The following CSK variants were observed in gnomAD, a reference collection of about 807,000 sequenced individuals.
The protein encoded by CSK is C-terminal Src kinase.
CSK carries 7 observed loss-of-function variants against 62.3 expected under a neutral mutation model. That is an observed-to-expected ratio of 0.11 (90% CI 0.06 to 0.21). CSK has a LOEUF of 0.21. Ranked by LOEUF, CSK falls within the 10% of genes least tolerant of loss-of-function variation. CSK has a pLI of 1.00. For synonymous variants in CSK, 237 were observed against 246.0 expected, an observed-to-expected ratio of 0.96 and a Z score of 0.34; for missense variants, 294 against 613.5, an observed-to-expected ratio of 0.48 and a Z score of 5.50.
intron 1 of CSK, among the ~76,000 whole-genome samples, chr15:74,783,337 C>A (rs139830069): frequency 2.0e-5 from 3 of 152,238 alleles, no homozygotes; most frequent in African/African-American, 7.2e-5. Flanking sequence ...CATGCCCCCA[C>A]CTTCTGGCAC....
intron 1 of CSK, among the ~76,000 whole-genome samples, chr15:74,789,928 C>T (rs953570935): frequency 6.6e-6 from 1 of 152,204 alleles, no homozygotes; most frequent in Non-Finnish European, 1.5e-5. Context: ...GGCTTGTGCA[C>T]AGAGGAGAGG....
Position 74,798,782 on chromosome 15 carries a change from G to T in CSK, c.130-44G>T. 6.2e-7 allele frequency: 1 copy of T among 1,605,806 alleles called. No homozygotes were observed. The highest frequency in any genetic ancestry group is 8.5e-7 in the Non-Finnish European group (1 of 1,174,348). On this transcript the variant is annotated intron_variant, in intron 3 of 12. Transcript: ENST00000220003. This position sits in a 1 kb window ranked among gnomAD's most constrained non-coding sequence, Gnocchi z 6.6. ...CCACTGCTGGGCCTTCCCTCTGCAG[G>T]GGGAGGTGGGCCTGAGAGCATGTCT...
chr15:74,790,961 G>A (rs2063611395), intron 1 of CSK: 1 of 152,172 alleles, frequency 6.6e-6, no homozygotes, highest in Non-Finnish European at 1.5e-5. Context: ...TTTACAAAAA[G>A]TTTCTTATTT....
chr15:74,798,889 G>A lies in CSK; in HGVS notation c.193G>A (p.Val65Ile). ...GREGIIPANY[V>I]QKREGVKAGT... ...TGAGGGCATCATCCCAGCCAACTAC[G>A]TCCAGAAGCGGGAGGGCGTGAAGGC... is the stretch of plus-strand genomic sequence containing the variant. Residue 65 changes from valine (V) to isoleucine (I), a missense_variant, in exon 4 of 13, where the codon GTC becomes ATC. Val to Ile is a conservative substitution (Grantham distance 29, BLOSUM62 3). Around this residue, in one of 3 missense-constraint regions of CSK, gnomAD observed 202 missense variants for 415.7 expected, o/e 0.49. Transcript: ENST00000220003. The surrounding 1 kb of genome is among the most constrained non-coding windows in gnomAD (Gnocchi z 6.6). 8 of 1,546,616 alleles carry A rather than the reference G, an allele frequency of 5.2e-6. No homozygotes were observed. The highest frequency in any genetic ancestry group is 2.0e-5 in the Admixed American group (1 of 50,458).
chr15:74,802,198 C>T, intron 12 of CSK, 115 bp downstream of exon 12: 1 of 1,397,262 alleles, frequency 7.2e-7, no homozygotes, highest in Non-Finnish European at 9.8e-7. Flanking sequence ...TCAGGCCTGC[C>T]CTGGGGAGCT....
Position 74,802,826 on chromosome 15 carries a change from T to G in CSK, c.*313T>G. The stretch of plus-strand genomic sequence containing the variant: ...ATTCCTTTCCTTTTTTGAGATTTTT[T>G]TTCCGTGTGTTTATTTTTTATTATT... On this transcript the variant is annotated 3_prime_UTR_variant, in exon 13 of 13. Transcript: ENST00000220003. 1 of 294,524 alleles carries G rather than the reference T, an allele frequency of 3.4e-6. No homozygotes were observed. Among genetic ancestry groups the G allele is most frequent in the Non-Finnish European group, 6.3e-6 (1 of 159,810 alleles). The allele number at this position is 294,524 out of a possible 1,614,324, so 18.2% of individuals were successfully genotyped here.
rs771405153 is a variant in CSK at position 74,799,399 on chromosome 15, G to A, written c.370G>A (p.Gly124Ser). ...CTACACGCTGTGCGTGAGCTGCGAC[G>A]GCAAGGTGGAGCACTACCGCATCAT... ...GDYTLCVSCD[G>S]KVEHYRIMYH... The change falls in exon 5 of 13, where the codon GGC (glycine) becomes AGC (serine). Residue 124 changes from glycine (G) to serine (S), a missense_variant. By Grantham distance (56) the Gly-to-Ser change is moderately conservative. Around this residue, in one of 3 missense-constraint regions of CSK, gnomAD observed 202 missense variants for 415.7 expected, o/e 0.49. Transcript: ENST00000220003. 4.3e-6 allele frequency: 7 copies of A among 1,613,522 alleles called. No individual in the cohort carries two copies. The highest frequency in any genetic ancestry group is 3.3e-5 in the Admixed American group (2 of 60,006).
intron 1 of CSK, among the ~76,000 whole-genome samples, chr15:74,793,826 G>A (rs1236192359): frequency 1.3e-5 from 2 of 152,044 alleles, no homozygotes; most frequent in African/African-American, 2.4e-5. Flanking sequence ...GACTAACAGC[G>A]CAGCAGCCTC....
At position 74,789,880 on chromosome 15, in the gene CSK, G is replaced by A. The variant is rs111345231; in HGVS notation, c.-66+7160G>A. ...TCCAGTAACCAGGAGGACAGGAGCC[G>A]GGTCTGCATTTTGTGGTGGTTCCCA... is the stretch of plus-strand genomic sequence containing the variant. On this transcript the variant is annotated intron_variant, in intron 1 of 12. Transcript: ENST00000220003. 9.0e-3 allele frequency among the ~76,000 whole-genome samples: 1,375 copies of A among 152,264 alleles called. 19 individuals carry two copies. The highest frequency in any genetic ancestry group is 0.027 in the African/African-American group (1,139 of 41,546).
At chr15:74,801,145 C>A in intron 9 of CSK, 43 bp downstream of exon 9, 1 of 1,606,592 alleles carries the variant, frequency 6.2e-7, no homozygotes, top group Non-Finnish European at 8.5e-7. Context: ...TTCCAACTGC[C>A]CCGAAACCCC....
chr15:74,796,724 A>C (rs1250330468), intron 1 of CSK, among the ~76,000 whole-genome samples: 1 of 152,190 alleles, frequency 6.6e-6, no homozygotes, highest in East Asian at 1.9e-4. Context: ...CAGCTCAGTG[A>C]ATTGTCACAG....
chr15:74,800,522 C>G lies in CSK; in HGVS notation c.556+17C>G. 1.2e-6 allele frequency: 2 copies of G among 1,609,884 alleles called. No individual in the cohort carries two copies. The highest frequency in any genetic ancestry group is 2.2e-5 in the East Asian group (1 of 44,756). On this transcript the variant is annotated intron_variant, in intron 6 of 12. Transcript: ENST00000220003. ...TCTACCGCAGTGAGTGCACCCCACC[C>G]CAGACCTCTTGCCCACCCACCTCCT...
chr15:74,798,863 G>A lies in CSK; in HGVS notation c.167G>A (p.Arg56His), dbSNP rs200009296. The stretch of plus-strand genomic sequence containing the variant: ...TACAAAGCCAAAAACAAGGTGGGCC[G>A]TGAGGGCATCATCCCAGCCAACTAC... ...NWYKAKNKVG[R>H]EGIIPANYVQ... is the part of the protein sequence containing the mutation. Residue 56 changes from arginine to histidine, a missense_variant, in exon 4 of 13, where the codon CGT (arginine) becomes CAT (histidine). Physicochemically the swap from Arg to His is conservative, Grantham distance 29 (BLOSUM62 0). Transcript: ENST00000220003. The surrounding 1 kb of genome is among the most constrained non-coding windows in gnomAD (Gnocchi z 6.6). 3.4e-5 allele frequency: 54 copies of A among 1,574,842 alleles called. No homozygotes were observed. The Admixed American group carries it at 4.0e-4, about 12-fold the overall frequency.
intron 1 of CSK, among the ~76,000 whole-genome samples, chr15:74,797,150 G>A (rs1425425973): frequency 3.9e-5 from 6 of 152,090 alleles, no homozygotes; most frequent in African/African-American, 7.2e-5. Flanking sequence ...CCATGTTGCC[G>A]AGACTGGTCT....
chr15:74,800,314 C>A, intron 5 of CSK, 98 bp from the exon 6 acceptor site: 1 of 1,024,850 alleles, frequency 9.8e-7, no homozygotes, highest in Non-Finnish European at 1.5e-6. Flanking sequence ...CCAGGCTAGG[C>A]GGGGCTGGCC....
chr15:74,790,375 G>A (rs1352112059), intron 1 of CSK, among the ~76,000 whole-genome samples: 2 of 152,238 alleles, frequency 1.3e-5, no homozygotes, highest in African/African-American at 4.8e-5. Context: ...GCTGCTTCCA[G>A]GGTAGGAAAA....
In CSK at chr15:74,801,571, G is replaced by A. The variant is rs749474606; in HGVS notation, c.863G>A (p.Gly288Glu). 6.2e-7 allele frequency: 1 copy of A among 1,613,992 alleles called. No individual in the cohort carries two copies. The highest frequency in any genetic ancestry group is 2.2e-5 in the East Asian group (1 of 44,884). Residue 288 changes from glycine to glutamate, a missense_variant, in exon 10 of 13, where the codon GGA becomes GAA. Gly to Glu is a moderately conservative substitution (Grantham distance 98, BLOSUM62 -2). Coordinates refer to ENST00000220003, the MANE Select transcript of CSK (RefSeq NM_004383.3). Reference sequence around the variant, plus strand: ...TCTAGGGGTCGGTCAGTGCTGGGCGGAGACTGTCTCCTCAAGTTCTCGCTG... The same window carrying A: ...TCTAGGGGTCGGTCAGTGCTGGGCGAAGACTGTCTCCTCAAGTTCTCGCTG... Reference protein sequence around the residue: ...LRSRGRSVLGGDCLLKFSLDV... With the variant: ...LRSRGRSVLGEDCLLKFSLDV...
rs765816002 is a variant in CSK, at chr15:74,801,020, G to A, written c.731G>A (p.Arg244Gln). 1.1e-5 allele frequency: 17 copies of A among 1,613,338 alleles called. No homozygotes were observed. The highest frequency in any genetic ancestry group is 8.9e-5 in the East Asian group (4 of 44,888). Reference sequence around the variant, plus strand: ...CTCTCGTCCTGCCCCAGGCAACTGCGGCATAGCAACCTGGTGCAGCTCCTG... The same window carrying A: ...CTCTCGTCCTGCCCCAGGCAACTGCAGCATAGCAACCTGGTGCAGCTCCTG... ...LAEASVMTQLRHSNLVQLLGV... is the reference protein window; with the variant it reads ...LAEASVMTQLQHSNLVQLLGV... Residue 244 changes from arginine (R) to glutamine (Q), a missense_variant, in exon 9 of 13, where the codon CGG (arginine) becomes CAG (glutamine). Arg to Gln is a conservative substitution (Grantham distance 43). This residue lies in a region of CSK where 202 missense variants were observed against 415.7 expected (regional missense o/e 0.49). Transcript: ENST00000220003.
chr15:74,799,215 G>T, intron 4 of CSK, 57 bp from the exon 5 acceptor site: 1 of 1,536,806 alleles, frequency 6.5e-7, no homozygotes, highest in East Asian at 2.3e-5. Context: ...CTTCAGAAAG[G>T]GGAGCCAGGG....
Sources: allele counts gnomAD v4.1 joint callset (sites outside exome capture counted in the v4.1 genomes callset), GRCh38; gene constraint gnomAD v4.1.1; regional missense constraint gnomAD v4.1.1; non-coding constraint Gnocchi (gnomAD v3.1); transcripts MANE v1.5; gene names NCBI Gene and HGNC (gene_info 2026-07-23, HGNC 2026-07-21).